LDB2: variants seen among roughly 807,000 people sequenced by gnomAD.
The protein encoded by LDB2 is LIM domain binding 2, also known as LIM domain-binding protein 2.
A neutral mutation model predicts 44.3 loss-of-function variants in LDB2; 12 were observed. That is an observed-to-expected ratio of 0.27 (90% CI 0.17 to 0.44). LDB2 has a LOEUF of 0.44. Ranked by LOEUF, LDB2 falls within the 20% of genes least tolerant of loss-of-function variation. The pLI is 1.00. For missense variants in LDB2, 344 were observed against 473.5 expected, an observed-to-expected ratio of 0.73 and a Z score of 2.54; for synonymous variants, 164 against 174.8, an observed-to-expected ratio of 0.94 and a Z score of 0.49.
At chr4:16,601,943 TG>T (rs1446592393) in intron 2 of LDB2, among the ~76,000 whole-genome samples, 2 of 152,124 alleles carry the variant, frequency 1.3e-5, no homozygotes, top group African/African-American at 4.8e-5. Flanking sequence ...TGACCTGTGA[TG>T]GGGGTGATAC....
rs58186199 is a variant in LDB2, at chr4:16,755,472, GGTGTGTGTGTGTGTGTGT to G, written c.235+3668_235+3685del. 2.0e-3 allele frequency among the ~76,000 whole-genome samples: 235 copies of G among 118,298 alleles called. 3 individuals are homozygous for G. The highest frequency in any genetic ancestry group is 0.01 in the South Asian group (33 of 3,218). 77.6% of individuals were successfully genotyped at this position (118,298 alleles called of 152,430 possible). On this transcript the variant is annotated intron_variant, in intron 2 of 7. Transcript: ENST00000304523. ...TAGCTATGGCATGATGTAGGAATAG[GGTGTGTGTGTGTGTGTGT>G]GTGTGTGTGTGTGTGTGTGTGTGTG...
chr4:16,538,476 T>C (rs577333509), intron 5 of LDB2, among the ~76,000 whole-genome samples: 1 of 131,804 alleles, frequency 7.6e-6, no homozygotes, highest in Non-Finnish European at 1.7e-5. Flanking sequence ...CAGCAGAAGC[T>C]AGGAAGTGTT....
intron 2 of LDB2, among the ~76,000 whole-genome samples, chr4:16,738,817 A>C (rs911050511): frequency 6.6e-6 from 1 of 152,216 alleles, no homozygotes; most frequent in Non-Finnish European, 1.5e-5. Context: ...ATATTGAATA[A>C]ATTCTTATCA....
chr4:16,890,166 G>A (rs1722944253), intron 1 of LDB2, among the ~76,000 whole-genome samples: 2 of 152,240 alleles, frequency 1.3e-5, no homozygotes, highest in African/African-American at 4.8e-5. Context: ...CTCCAGTCCA[G>A]TGAACACTTG....
intron 5 of LDB2, among the ~76,000 whole-genome samples, chr4:16,578,311 A>G (rs1268243875): frequency 1.3e-5 from 2 of 152,180 alleles, no homozygotes; most frequent in East Asian, 1.9e-4. Flanking sequence ...CCCATTTGAC[A>G]AGGAATTAAT....
At chr4:16,862,633 CAAAAAAAAAAAA>C (rs58157857) in intron 1 of LDB2, among the ~76,000 whole-genome samples, 5 of 45,086 alleles carry the variant, frequency 1.1e-4, no homozygotes, top group East Asian at 9.9e-4. Context: ...AATTCCATCT[CAAAAAAAAAAAA>C]AAAAAAAAAA....
chr4:16,588,108 C>A (rs1332623901), intron 4 of LDB2, among the ~76,000 whole-genome samples: 1 of 152,118 alleles, frequency 6.6e-6, no homozygotes, highest in Non-Finnish European at 1.5e-5. Flanking sequence ...CTAGCTCCTA[C>A]TTACATTTAA....
At chr4:16,659,629 G>A (rs1325495656) in intron 2 of LDB2, among the ~76,000 whole-genome samples, 5 of 109,626 alleles carry the variant, frequency 4.6e-5, no homozygotes, top group African/African-American at 1.3e-4. Context: ...CACATACATA[G>A]TTTATATATA....
chr4:16,831,274 G>A (rs1784041780), intron 1 of LDB2, among the ~76,000 whole-genome samples: 1 of 151,274 alleles, frequency 6.6e-6, no homozygotes. Flanking sequence ...TGGGATGGCT[G>A]GAGTAGAGTG....
intron 2 of LDB2, among the ~76,000 whole-genome samples, chr4:16,734,463 T>G (rs183913042): frequency 3.3e-5 from 5 of 152,316 alleles, no homozygotes; most frequent in Admixed American, 3.3e-4. Flanking sequence ...TTTGTTGTCA[T>G]GAATGAAATG....
At chr4:16,895,792 T>A (rs968045872) in intron 1 of LDB2, among the ~76,000 whole-genome samples, 2 of 152,086 alleles carry the variant, frequency 1.3e-5, no homozygotes, top group Admixed American at 6.6e-5. Context: ...AACCAATCCC[T>A]CTCCAGAACT....
chr4:16,659,452 C>T (rs948813248), intron 2 of LDB2, among the ~76,000 whole-genome samples: 1 of 151,902 alleles, frequency 6.6e-6, no homozygotes, highest in East Asian at 1.9e-4. Flanking sequence ...AGTGTTCATG[C>T]GTTGGGTAGA....
At chr4:16,802,474 T>G (rs16894024) in intron 1 of LDB2, among the ~76,000 whole-genome samples, 2 of 152,118 alleles carry the variant, frequency 1.3e-5, no homozygotes, top group African/African-American at 4.8e-5. Flanking sequence ...CCATCAGAAC[T>G]TCTTGCTAGA....
chr4:16,781,725 T>C lies in LDB2; in HGVS notation c.133-22465A>G, dbSNP rs548156339. Among the ~76,000 whole-genome samples, 22 of 152,296 alleles carry C rather than the reference T, an allele frequency of 1.4e-4. No homozygotes were observed. The East Asian group carries it at 4.0e-3, about 28-fold the overall frequency. On this transcript the variant is annotated intron_variant, in intron 1 of 7. Coordinates refer to ENST00000304523, the MANE Select transcript of LDB2 (RefSeq NM_001290.5). ...CACCTGCCCCCTCCCCTATAATTCATGTCTGCCTGGAATCTCGGAATGTGA... is the reference window on the plus strand; with the variant it reads ...CACCTGCCCCCTCCCCTATAATTCACGTCTGCCTGGAATCTCGGAATGTGA...
chr4:16,869,402 G>T (rs1018101009), intron 1 of LDB2, among the ~76,000 whole-genome samples: 21 of 151,956 alleles, frequency 1.4e-4, no homozygotes, highest in Non-Finnish European at 3.1e-4. Flanking sequence ...ACTTTCTTCA[G>T]AAATGAGGGT....
At position 16,502,668 on chromosome 4, in the gene LDB2, T is replaced by G. The variant is rs1211654184; in HGVS notation, c.1097A>C (p.Asn366Thr). 2 of 1,612,712 alleles carry G rather than the reference T, an allele frequency of 1.2e-6. No homozygotes were observed. Among genetic ancestry groups the G allele is most frequent in the Non-Finnish European group, 1.7e-6 (2 of 1,179,420 alleles). ...TTATTGGGAAGCCTGGGGTGGGGGG[T>G]TTTCTGATTTGGTCTCTTGAGTGGC... is the stretch of plus-strand genomic sequence containing the variant. ...PPATQETKSENPPPQASQ is the reference protein window; with the variant it reads ...PPATQETKSETPPPQASQ Residue 366 changes from asparagine (N) to threonine (T), a missense_variant, in exon 8 of 8, where the codon AAC becomes ACC. Physicochemically the swap from Asn to Thr is moderately conservative, Grantham distance 65. This residue lies in a region of LDB2 where 32 missense variants were observed against 32.3 expected (regional missense o/e 0.99). Transcript: ENST00000304523.
intron 1 of LDB2, among the ~76,000 whole-genome samples, chr4:16,811,309 C>A (rs1779820714): frequency 6.6e-6 from 1 of 152,112 alleles, no homozygotes; most frequent in Non-Finnish European, 1.5e-5. Context: ...TTAATTCACC[C>A]AAAATACCAA....
intron 5 of LDB2, among the ~76,000 whole-genome samples, chr4:16,584,754 G>A (rs1716128448): frequency 6.6e-6 from 1 of 152,208 alleles, no homozygotes; most frequent in African/African-American, 2.4e-5. Flanking sequence ...GGGGTACCTG[G>A]TGGGCCTTGA....
At chr4:16,802,736 G>A (rs906567372) in intron 1 of LDB2, among the ~76,000 whole-genome samples, 2 of 152,138 alleles carry the variant, frequency 1.3e-5, no homozygotes, top group Non-Finnish European at 2.9e-5. Flanking sequence ...GGGACCCAGT[G>A]GGAGATAATT....
Sources: allele counts gnomAD v4.1 joint callset (sites outside exome capture counted in the v4.1 genomes callset), GRCh38; gene constraint gnomAD v4.1.1; regional missense constraint gnomAD v4.1.1; transcripts MANE v1.5; gene names NCBI Gene and HGNC (gene_info 2026-07-23, HGNC 2026-07-21).